EPHB1: variants seen among roughly 807,000 people sequenced by gnomAD.
EPHB1 encodes the protein ephrin type-B receptor 1.
A neutral mutation model predicts 94.4 loss-of-function variants in EPHB1; 30 were observed. The observed-to-expected ratio is 0.32, with a 90% CI of 0.24 to 0.43. The LOEUF (loss-of-function observed/expected upper bound fraction) is 0.43, where lower values mean the gene tolerates loss of function less well. Ranked by LOEUF, EPHB1 falls within the 20% of genes least tolerant of loss-of-function variation. EPHB1 has a pLI of 1.00. For missense variants in EPHB1, 1,055 were observed against 1,308.3 expected (o/e 0.81, Z 2.99); for synonymous variants, 522 against 489.1 (o/e 1.07, Z -0.89).
chr3:134,831,425 A>G (rs1184228786), intron 1 of EPHB1, among the ~76,000 whole-genome samples: 6 of 152,172 alleles, frequency 3.9e-5, no homozygotes, highest in Non-Finnish European at 7.3e-5. Flanking sequence ...ACACTTTCTC[A>G]TCCTCACTTT....
intron 2 of EPHB1, among the ~76,000 whole-genome samples, chr3:134,948,551 T>C (rs2039259668): frequency 6.6e-6 from 1 of 152,236 alleles, no homozygotes; most frequent in South Asian, 2.1e-4. Context: ...AAAAAGTGGT[T>C]CTTTTACATC....
intron 3 of EPHB1, among the ~76,000 whole-genome samples, chr3:135,031,535 C>T (rs996063791): frequency 1.3e-5 from 2 of 152,196 alleles, no homozygotes; most frequent in Non-Finnish European, 2.9e-5. Flanking sequence ...GTCTTGAACT[C>T]CTGGGCTCAA....
At chr3:134,905,495 G>C (rs567668935) in intron 1 of EPHB1, among the ~76,000 whole-genome samples, 2 of 152,352 alleles carry the variant, frequency 1.3e-5, no homozygotes, top group Admixed American at 6.5e-5. Flanking sequence ...ATTCTGCTTT[G>C]GGAAGCACAT....
chr3:134,997,897 A>G (rs1458948354), intron 3 of EPHB1, among the ~76,000 whole-genome samples: 2 of 152,144 alleles, frequency 1.3e-5, no homozygotes, highest in East Asian at 1.9e-4. Context: ...TCCCTATTCT[A>G]TTTTAAGCAA....
At chr3:135,212,779 C>T (rs1943061117) in intron 12 of EPHB1, among the ~76,000 whole-genome samples, 1 of 152,102 alleles carries the variant, frequency 6.6e-6, no homozygotes, top group Admixed American at 6.5e-5. Context: ...GAAGATAAAA[C>T]CTTGTGCTGT....
At chr3:134,879,813 C>A (rs2037691606) in intron 1 of EPHB1, among the ~76,000 whole-genome samples, 2 of 146,964 alleles carry the variant, frequency 1.4e-5, no homozygotes, top group South Asian at 2.3e-4. Context: ...TCAAAATCAG[C>A]AAAATCAAAT....
At chr3:135,213,791 CCTT>C (rs1943081747) in intron 12 of EPHB1, among the ~76,000 whole-genome samples, 1 of 152,212 alleles carries the variant, frequency 6.6e-6, no homozygotes, top group South Asian at 2.1e-4. Context: ...CATAATTTTC[CCTT>C]CTTAGTATTC....
chr3:135,119,649 G>A (rs1260594621), intron 4 of EPHB1, among the ~76,000 whole-genome samples: 4 of 151,944 alleles, frequency 2.6e-5, no homozygotes, highest in African/African-American at 9.7e-5. Flanking sequence ...GTGGGGTTTT[G>A]CCATGTTGGC....
chr3:134,872,438 A>T (rs888791376), intron 1 of EPHB1, among the ~76,000 whole-genome samples: 2 of 152,260 alleles, frequency 1.3e-5, no homozygotes, highest in Non-Finnish European at 2.9e-5. Flanking sequence ...AAAGGAGTCC[A>T]GGAACATTAA....
At chr3:135,018,004 G>T (rs562166017) in intron 3 of EPHB1, among the ~76,000 whole-genome samples, 7 of 152,246 alleles carry the variant, frequency 4.6e-5, no homozygotes, top group South Asian at 2.1e-4. Flanking sequence ...GGACTGTGAG[G>T]GGGGGCATGA....
At chr3:134,984,150 C>A (rs1020643736) in intron 3 of EPHB1, among the ~76,000 whole-genome samples, 1 of 152,248 alleles carries the variant, frequency 6.6e-6, no homozygotes, top group South Asian at 2.1e-4. Context: ...GAGTAGAACC[C>A]CTGACCCTGA....
intron 3 of EPHB1, among the ~76,000 whole-genome samples, chr3:135,069,436 A>G (rs1345133008): frequency 6.6e-6 from 1 of 152,102 alleles, no homozygotes; most frequent in African/African-American, 2.4e-5. Flanking sequence ...AGTTTGGAAC[A>G]AGACTTACCG....
At chr3:134,979,943 A>T (rs1242406732) in intron 3 of EPHB1, among the ~76,000 whole-genome samples, 1 of 152,202 alleles carries the variant, frequency 6.6e-6, no homozygotes, top group Non-Finnish European at 1.5e-5. Context: ...TGCGGCCCAA[A>T]TGCAAAAGTC....
At position 134,943,398 on chromosome 3, in the gene EPHB1, C is replaced by T. The variant is rs573380874; in HGVS notation, c.124-7973C>T. ...TGCCCTGTCTGTTGTCACTATATTC[C>T]GACCAGGGCATGAGGTGATGCCAGC... is the stretch of plus-strand genomic sequence containing the variant. On this transcript the variant is annotated intron_variant, in intron 2 of 15. Transcript: ENST00000398015. Among the ~76,000 whole-genome samples, 35 of 152,306 alleles carry T rather than the reference C, an allele frequency of 2.3e-4. 1 individual carries two copies. Among genetic ancestry groups the T allele is most frequent in the South Asian group, 4.1e-4 (2 of 4,822 alleles).
rs367737894 is a variant in EPHB1 at position 134,931,104 on chromosome 3, C to A, written c.123+5224C>A. On this transcript the variant is annotated intron_variant, in intron 2 of 15. Transcript: ENST00000398015. ...GACACTTAATTTAGGTTTACTGTAA[C>A]CCAAATGCACTGTAACATGTTTGTT... is the stretch of plus-strand genomic sequence containing the variant. Among the ~76,000 whole-genome samples, 261 of 152,336 alleles carry A rather than the reference C, an allele frequency of 1.7e-3. 2 individuals carry two copies. The highest frequency in any genetic ancestry group is 6.1e-3 in the African/African-American group (254 of 41,574).
chr3:135,189,140 T>C (rs192973566), intron 10 of EPHB1, among the ~76,000 whole-genome samples: 1 of 152,376 alleles, frequency 6.6e-6, no homozygotes, highest in East Asian at 1.9e-4. Flanking sequence ...TACTGTCCTA[T>C]ACATCTTCAT....
intron 2 of EPHB1, among the ~76,000 whole-genome samples, chr3:134,930,143 A>G (rs2038876693): frequency 6.6e-6 from 1 of 152,210 alleles, no homozygotes; most frequent in Admixed American, 6.5e-5. Flanking sequence ...ACCCAGAGAG[A>G]GGCCAAGGGA....
chr3:135,133,773 C>T (rs780419604), intron 5 of EPHB1, among the ~76,000 whole-genome samples: 20 of 152,202 alleles, frequency 1.3e-4, no homozygotes, highest in Non-Finnish European at 2.6e-4. Flanking sequence ...TTACACTCTT[C>T]TGATCTTTTC....
chr3:135,219,007 G>A (rs895484004), intron 12 of EPHB1, among the ~76,000 whole-genome samples: 1 of 152,170 alleles, frequency 6.6e-6, no homozygotes, highest in Admixed American at 6.5e-5. Context: ...GAGTGTGGAG[G>A]AGAGGAGGGA....
Sources: gnomAD v4.1 joint callset for allele counts (sites outside exome capture counted in the v4.1 genomes callset) on GRCh38, gnomAD v4.1.1 for gene constraint, MANE v1.5 for transcripts, NCBI Gene and HGNC (gene_info 2026-07-23, HGNC 2026-07-21) for gene names.